SLIT3: variants seen among roughly 807,000 people sequenced by gnomAD.
The protein encoded by SLIT3 is slit homolog 3 protein.
SLIT3 carries 68 observed loss-of-function variants against 184.0 expected under a neutral mutation model. The observed-to-expected ratio is 0.37, with a 90% confidence interval of 0.30 to 0.45. The LOEUF (loss-of-function observed/expected upper bound fraction) is 0.45. Among genes scored for constraint, SLIT3 ranks in the 20% least tolerant of loss-of-function variants. The pLI is 1.00. For synonymous variants in SLIT3, 831 were observed against 828.6 expected (o/e 1.00, Z -0.05); for missense variants, 1,707 against 2,026.0 (o/e 0.84, Z 3.02).
chr5:168,717,443 T>C (rs1488296576), intron 23 of SLIT3, among the ~76,000 whole-genome samples: 1 of 151,988 alleles, frequency 6.6e-6, no homozygotes, highest in East Asian at 1.9e-4. Flanking sequence ...TGTATCCCCA[T>C]GGCTCTTCTT....
intron 5 of SLIT3, among the ~76,000 whole-genome samples, chr5:168,865,975 C>T (rs1435488707): frequency 1.3e-5 from 2 of 152,168 alleles, no homozygotes; most frequent in Non-Finnish European, 1.5e-5. Context: ...TATTCTCATT[C>T]CTAAGCAGCT....
At chr5:168,744,362 C>A (rs1167433760) in intron 20 of SLIT3, among the ~76,000 whole-genome samples, 1 of 152,162 alleles carries the variant, frequency 6.6e-6, no homozygotes, top group South Asian at 2.1e-4. Context: ...CAAGTGCTGA[C>A]GGAGAAGCTG....
At chr5:168,827,707 T>C (rs561816506) in intron 6 of SLIT3, among the ~76,000 whole-genome samples, 1 of 152,276 alleles carries the variant, frequency 6.6e-6, no homozygotes, top group South Asian at 2.1e-4. Flanking sequence ...TTTGGGGGCC[T>C]ATTAGCTCAA....
intron 1 of SLIT3, among the ~76,000 whole-genome samples, chr5:169,256,718 C>A (rs1765972915): frequency 6.6e-6 from 1 of 152,148 alleles, no homozygotes; most frequent in Non-Finnish European, 1.5e-5. Context: ...GTGGCAAGGC[C>A]TTTCTGAGAC....
At chr5:168,733,288 C>T (rs1763341115) in intron 20 of SLIT3, among the ~76,000 whole-genome samples, 1 of 152,038 alleles carries the variant, frequency 6.6e-6, no homozygotes, top group East Asian at 1.9e-4. Context: ...CTAAAAACAA[C>T]AGATTTTTGG....
chr5:168,727,682 G>A (rs1763172681), intron 20 of SLIT3, among the ~76,000 whole-genome samples: 1 of 152,250 alleles, frequency 6.6e-6, no homozygotes, highest in South Asian at 2.1e-4. Flanking sequence ...CTCCCTGCAT[G>A]AAAGGCTGTG....
intron 6 of SLIT3, among the ~76,000 whole-genome samples, chr5:168,830,749 G>A (rs560634176): frequency 3.3e-5 from 5 of 152,118 alleles, no homozygotes; most frequent in Non-Finnish European, 5.9e-5. Flanking sequence ...CCAGAGGTGC[G>A]GAGCCAATAT....
intron 4 of SLIT3, among the ~76,000 whole-genome samples, chr5:168,884,597 T>C (rs1760120523): frequency 7.8e-6 from 1 of 127,612 alleles, no homozygotes; most frequent in Non-Finnish European, 1.6e-5. Context: ...TCCACCAATA[T>C]GACCTCACAA....
intron 4 of SLIT3, among the ~76,000 whole-genome samples, chr5:168,986,116 C>A (rs551619254): frequency 1.3e-5 from 2 of 152,276 alleles, no homozygotes; most frequent in East Asian, 3.9e-4. Flanking sequence ...ATTCAGTTTA[C>A]AAAATCAGAA....
intron 5 of SLIT3, among the ~76,000 whole-genome samples, chr5:168,865,489 T>C (rs114972667): frequency 1.4e-3 from 208 of 152,330 alleles, no homozygotes; most frequent in African/African-American, 4.8e-3. Flanking sequence ...CTACATAAGG[T>C]AACATACTGT....
At chr5:168,926,631 C>T (rs1194827296) in intron 4 of SLIT3, among the ~76,000 whole-genome samples, 1 of 151,916 alleles carries the variant, frequency 6.6e-6, no homozygotes, top group Non-Finnish European at 1.5e-5. Context: ...CTTGTCATTG[C>T]TTAAAAGATA....
At chr5:168,882,343 C>T (rs1286761022) in intron 5 of SLIT3, among the ~76,000 whole-genome samples, 2 of 152,102 alleles carry the variant, frequency 1.3e-5, no homozygotes, top group African/African-American at 4.8e-5. Flanking sequence ...AGGCATAGTC[C>T]TTGTAGGGGC....
At chr5:169,047,440 T>C (rs961875350) in intron 4 of SLIT3, among the ~76,000 whole-genome samples, 1 of 152,122 alleles carries the variant, frequency 6.6e-6, no homozygotes, top group African/African-American at 2.4e-5. Flanking sequence ...TTCCCATCTT[T>C]ATTGGGGTCT....
At chr5:168,992,980 G>T (rs139262640) in intron 4 of SLIT3, 3 of 152,316 alleles carry the variant, frequency 2.0e-5, no homozygotes, top group Non-Finnish European at 4.4e-5. Context: ...CTTCAAAGCC[G>T]TCTCTTCACT....
chr5:168,935,478 A>T (rs1474001307), intron 4 of SLIT3, among the ~76,000 whole-genome samples: 1 of 152,190 alleles, frequency 6.6e-6, no homozygotes, highest in African/African-American at 2.4e-5. Context: ...AAGTCAGGGA[A>T]TGCAGCCTCC....
intron 4 of SLIT3, among the ~76,000 whole-genome samples, chr5:169,040,372 G>T (rs1199561592): frequency 6.6e-6 from 1 of 152,192 alleles, no homozygotes; most frequent in Non-Finnish European, 1.5e-5. Context: ...CTGTAAAGCT[G>T]ACAAAATTGT....
chr5:169,169,787 T>C (rs1762759766), intron 4 of SLIT3, among the ~76,000 whole-genome samples: 1 of 152,236 alleles, frequency 6.6e-6, no homozygotes, highest in Non-Finnish European at 1.5e-5. Context: ...ACTGAGGAGA[T>C]GAAATGAGGT....
intron 4 of SLIT3, among the ~76,000 whole-genome samples, chr5:168,896,826 C>T (rs572071579): frequency 2.6e-5 from 4 of 152,286 alleles, no homozygotes; most frequent in African/African-American, 9.6e-5. Flanking sequence ...GGAAGTGGCC[C>T]CTGCCCAAGC....
chr5:168,692,317 C>A (rs529292189), intron 29 of SLIT3, among the ~76,000 whole-genome samples: 1 of 152,198 alleles, frequency 6.6e-6, no homozygotes, highest in South Asian at 2.1e-4. Flanking sequence ...AGAGGAGAGG[C>A]AAGGAAGAAG....
Sources: gnomAD v4.1 joint callset for allele counts (sites outside exome capture counted in the v4.1 genomes callset) on GRCh38, gnomAD v4.1.1 for gene constraint, MANE v1.5 for transcripts, NCBI Gene and HGNC (gene_info 2026-07-23, HGNC 2026-07-21) for gene names.